Variants in ARID1A observed in about 807,000 individuals in gnomAD.
ARID1A encodes AT-rich interactive domain-containing protein 1A.
In ARID1A, 20 loss-of-function variants were observed where a neutral mutation model predicts 212.6. The ratio of observed to expected loss-of-function variants is 0.09; its 90% confidence interval spans 0.07 to 0.14. ARID1A has a LOEUF of 0.14. Among genes scored for constraint, ARID1A ranks in the 10% least tolerant of loss-of-function variants. The pLI, the probability that ARID1A is intolerant of heterozygous loss-of-function variation, is 1.00. For synonymous variants in ARID1A, 1,376 were observed against 1,222.1 expected (o/e 1.13, Z -2.63); for missense variants, 2,587 against 3,059.0 (o/e 0.85, Z 3.64).
intron 4 of ARID1A, among the ~76,000 whole-genome samples, chr1:26,757,777 C>G (rs1211768564): frequency 6.6e-6 from 1 of 151,908 alleles, no homozygotes; most frequent in Non-Finnish European, 1.5e-5. Context: ...AAGGAATTCT[C>G]CCTGCCTCAG....
intron 1 of ARID1A, among the ~76,000 whole-genome samples, chr1:26,710,236 C>T (rs1285270409): frequency 6.6e-6 from 1 of 150,514 alleles, no homozygotes; most frequent in Non-Finnish European, 1.5e-5. Flanking sequence ...GAGATCGAGA[C>T]CATCCTGGCC....
At chr1:26,757,408 C>T (rs1405660172) in intron 4 of ARID1A, among the ~76,000 whole-genome samples, 1 of 147,954 alleles carries the variant, frequency 6.8e-6, no homozygotes, top group African/African-American at 2.5e-5. Flanking sequence ...AGGCGGAAGT[C>T]ACAGTGAGCC....
chr1:26,738,173 G>A (rs927922225), intron 4 of ARID1A, among the ~76,000 whole-genome samples: 7 of 151,724 alleles, frequency 4.6e-5, no homozygotes, highest in African/African-American at 9.7e-5. Flanking sequence ...ACAGACGCCC[G>A]CTACCACACC....
intron 1 of ARID1A, among the ~76,000 whole-genome samples, chr1:26,702,098 G>A (rs1227632438): frequency 6.6e-6 from 1 of 152,176 alleles, no homozygotes. Flanking sequence ...GACTCCTGGT[G>A]TTTGGGCAGG....
rs2080247326 is a variant in ARID1A at position 26,696,122 on chromosome 1, G to A, written c.-282G>A. The A allele has an allele frequency of 4.4e-6, 2 of 459,718 alleles. No homozygotes were observed. Among genetic ancestry groups the A allele is most frequent in the Non-Finnish European group, 6.2e-6 (2 of 321,954 alleles). 28.5% of individuals were successfully genotyped at this position (459,718 alleles called of 1,614,324 possible). ...CCAGGCAAGGGCTTGGGGGGAATGAGCCGGGAGAGCCGGGTCCCGAGCCTA... is the reference window on the plus strand; with the variant it reads ...CCAGGCAAGGGCTTGGGGGGAATGAACCGGGAGAGCCGGGTCCCGAGCCTA... On this transcript the variant is annotated 5_prime_UTR_variant, in exon 1 of 20. Transcript: ENST00000324856.
At chr1:26,737,202 A>G (rs1276181055) in intron 4 of ARID1A, among the ~76,000 whole-genome samples, 1 of 151,506 alleles carries the variant, frequency 6.6e-6, no homozygotes, top group Admixed American at 6.6e-5. Context: ...TGCAGTCTCC[A>G]CCTCCCCAGG....
chr1:26,744,595 C>T (rs901005136), intron 4 of ARID1A, among the ~76,000 whole-genome samples: 5 of 152,184 alleles, frequency 3.3e-5, no homozygotes, highest in Non-Finnish European at 7.3e-5. Context: ...ACAGAGCTAT[C>T]GGGACTGGTA....
chr1:26,698,328 A>G (rs1364616705), intron 1 of ARID1A, among the ~76,000 whole-genome samples: 1 of 152,234 alleles, frequency 6.6e-6, no homozygotes, highest in Non-Finnish European at 1.5e-5. Flanking sequence ...ATTGCCTCTG[A>G]TGTAATGGTA....
chr1:26,702,206 G>T (rs549894352), intron 1 of ARID1A, among the ~76,000 whole-genome samples: 11 of 152,284 alleles, frequency 7.2e-5, no homozygotes, highest in Non-Finnish European at 4.4e-5. Context: ...GACTGGAAGA[G>T]GAAAAGCTGC....
At chr1:26,770,972 A>C in intron 11 of ARID1A, 147 bp from the exon 12 acceptor site, 1 of 684,584 alleles carries the variant, frequency 1.5e-6, no homozygotes, top group South Asian at 1.9e-5. Context: ...CTTGTGGACT[A>C]TCCACCAAGC....
chr1:26,703,039 C>T (rs577467617), intron 1 of ARID1A, among the ~76,000 whole-genome samples: 7 of 152,238 alleles, frequency 4.6e-5, no homozygotes, highest in Middle Eastern at 3.4e-3. Context: ...TGATCTTTAT[C>T]CTCAATTTTG....
In ARID1A at chr1:26,774,995, C is replaced by A. The variant is rs370907880; in HGVS notation, c.4768C>A (p.Pro1590Thr). The A allele has an allele frequency of 3.2e-6, 5 of 1,560,860 alleles. No homozygotes were observed. The highest frequency in any genetic ancestry group is 3.5e-6 in the Non-Finnish European group (4 of 1,153,298). Residue 1590 changes from proline (P) to threonine (T), a missense_variant, in exon 18 of 20, where the codon CCC becomes ACC. Pro to Thr is a conservative substitution (Grantham distance 38). Coordinates refer to ENST00000324856, the MANE Select transcript of ARID1A (RefSeq NM_006015.6). This position sits in a 1 kb window ranked among gnomAD's most constrained non-coding sequence, Gnocchi z 5.6. ...NHIPQVSSPA[P>T]LPRPMENRTS... ...CATTCCTCAGGTATCCAGCCCTGCT[C>A]CCCTGCCCCGGCCAATGGAGAACCG...
chr1:26,732,611 A>G lies in ARID1A; in HGVS notation c.1804-65A>G. ...AGAGACAGTCCCATAACCCTTTCAC[A>G]GTGAAGTAAGCCTGCCTGGTTTATC... is the stretch of plus-strand genomic sequence containing the variant. On this transcript the variant is annotated intron_variant, in intron 3 of 19. Transcript: ENST00000324856. 2.3e-6 allele frequency: 3 copies of G among 1,305,742 alleles called. No individual in the cohort carries two copies. The South Asian group carries it at 3.6e-5, about 16-fold the overall frequency. The allele number at this position is 1,305,742 out of a possible 1,614,324, so 80.9% of individuals were successfully genotyped here.
At chr1:26,734,369 G>A (rs2080709210) in intron 4 of ARID1A, among the ~76,000 whole-genome samples, 1 of 138,624 alleles carries the variant, frequency 7.2e-6, no homozygotes, top group South Asian at 2.3e-4. Context: ...TTTTGGTCCT[G>A]AGAAGGCTTG....
chr1:26,717,872 A>C (rs753077377), intron 1 of ARID1A, among the ~76,000 whole-genome samples: 12 of 152,226 alleles, frequency 7.9e-5, no homozygotes, highest in Non-Finnish European at 1.8e-4. Flanking sequence ...GGGTGAAGAA[A>C]GTATTCCAGG....
chr1:26,749,171 T>A (rs928638566), intron 4 of ARID1A, among the ~76,000 whole-genome samples: 3 of 151,354 alleles, frequency 2.0e-5, no homozygotes, highest in Non-Finnish European at 4.4e-5. Context: ...TCTCAAAAAA[T>A]AATAATAATA....
At position 26,773,374 on chromosome 1, in the gene ARID1A, A is replaced by G. The variant is rs1211591880; in HGVS notation, c.3744A>G (p.Ser1248=). Residue 1248 remains serine, a synonymous_variant, in exon 15 of 20, where the codon TCA becomes TCG. Transcript: ENST00000324856. ...KAPGSDPFMS[S]GQGPNGGMGD... ...CAGGGAGTGATCCCTTCATGTCCTC[A>G]GGGCAGGGCCCCAACGGCGGGATGG... 1 of 1,607,424 alleles carries G rather than the reference A, an allele frequency of 6.2e-7. No individual in the cohort carries two copies. Among genetic ancestry groups the G allele is most frequent in the Non-Finnish European group, 8.5e-7 (1 of 1,176,986 alleles).
rs1038846386 is a variant in ARID1A, at chr1:26,771,444, T to A, written c.3406+118T>A. ...ATATGCCAAGGATCTGTGCTCTGCC[T>A]TGCCCTACCACAGGGCTTAACAGGT... is the stretch of plus-strand genomic sequence containing the variant. On this transcript the variant is annotated intron_variant, in intron 12 of 19. Coordinates refer to ENST00000324856, the MANE Select transcript of ARID1A (RefSeq NM_006015.6). This position sits in a 1 kb window ranked among gnomAD's most constrained non-coding sequence, Gnocchi z 5.4. 3 of 1,162,142 alleles carry A rather than the reference T, an allele frequency of 2.6e-6. No homozygotes were observed. Among genetic ancestry groups the A allele is most frequent in the Middle Eastern group, 2.9e-4 (1 of 3,428 alleles). 72.0% of individuals were successfully genotyped at this position (1,162,142 alleles called of 1,614,324 possible).
At chr1:26,749,454 A>G (rs573188600) in intron 4 of ARID1A, among the ~76,000 whole-genome samples, 1 of 152,274 alleles carries the variant, frequency 6.6e-6, no homozygotes, top group East Asian at 1.9e-4. Context: ...GGCTGAGCAG[A>G]TCTGTAGGAG....
Sources: allele counts gnomAD v4.1 joint callset (sites outside exome capture counted in the v4.1 genomes callset), GRCh38; gene constraint gnomAD v4.1.1; non-coding constraint Gnocchi (gnomAD v3.1); transcripts MANE v1.5; gene names NCBI Gene and HGNC (gene_info 2026-07-23, HGNC 2026-07-21).